The following TMEM135 variants were observed in gnomAD, a reference collection of about 807,000 sequenced individuals.
TMEM135 encodes peroxisomal membrane protein 52.
A neutral mutation model predicts 60.3 loss-of-function variants in TMEM135; 30 were observed. The ratio of observed to expected loss-of-function variants is 0.50; its 90% CI spans 0.37 to 0.68. TMEM135 has a LOEUF of 0.68. Among genes scored for constraint, TMEM135 ranks in the 30% least tolerant of loss-of-function variants. The pLI is 0.00. For synonymous variants in TMEM135, 190 were observed against 186.7 expected (o/e 1.02, Z -0.14); for missense variants, 468 against 548.8 (o/e 0.85, Z 1.47).
chr11:87,066,231 T>G (rs1308591794), intron 1 of TMEM135, among the ~76,000 whole-genome samples: 1 of 152,222 alleles, frequency 6.6e-6, no homozygotes, highest in Non-Finnish European at 1.5e-5. Context: ...CCCTATTATG[T>G]TCTAACCTTT....
At chr11:87,101,285 G>T (rs528620002) in intron 4 of TMEM135, among the ~76,000 whole-genome samples, 2 of 152,146 alleles carry the variant, frequency 1.3e-5, no homozygotes, top group Admixed American at 1.3e-4. Flanking sequence ...CTTTGCCACA[G>T]TATGATTTAA....
chr11:87,059,841 C>T (rs371373573), intron 1 of TMEM135, among the ~76,000 whole-genome samples: 5 of 152,132 alleles, frequency 3.3e-5, no homozygotes, highest in African/African-American at 1.2e-4. Context: ...TGGGGCCGGG[C>T]GTGGTGGCTC....
chr11:87,159,768 T>C (rs1385523512), intron 5 of TMEM135, among the ~76,000 whole-genome samples: 2 of 152,176 alleles, frequency 1.3e-5, no homozygotes, highest in Non-Finnish European at 2.9e-5. Flanking sequence ...ATAGTTTAAG[T>C]TGAGTCTGGA....
At chr11:87,065,809 T>G (rs529559945) in intron 1 of TMEM135, among the ~76,000 whole-genome samples, 2 of 152,252 alleles carry the variant, frequency 1.3e-5, no homozygotes, top group Non-Finnish European at 2.9e-5. Context: ...GTTTCACATT[T>G]GTGCCTGTGA....
chr11:87,081,153 G>A (rs1027654271), intron 3 of TMEM135, among the ~76,000 whole-genome samples: 3 of 150,998 alleles, frequency 2.0e-5, no homozygotes, highest in Admixed American at 2.0e-4. Context: ...TATTCTGCTA[G>A]TGTTAGCCTA....
At chr11:87,082,830 C>G (rs1250399036) in intron 3 of TMEM135, among the ~76,000 whole-genome samples, 3 of 152,106 alleles carry the variant, frequency 2.0e-5, no homozygotes, top group Non-Finnish European at 4.4e-5. Context: ...TAAAAAATAG[C>G]AAATAATGGT....
At chr11:87,083,889 A>G (rs1313877052) in intron 3 of TMEM135, among the ~76,000 whole-genome samples, 1 of 152,176 alleles carries the variant, frequency 6.6e-6, no homozygotes, top group Non-Finnish European at 1.5e-5. Flanking sequence ...ATAAGCCATT[A>G]CAATGTTTAG....
At chr11:87,058,069 C>G (rs897193232) in intron 1 of TMEM135, among the ~76,000 whole-genome samples, 1 of 152,144 alleles carries the variant, frequency 6.6e-6, no homozygotes, top group African/African-American at 2.4e-5. Flanking sequence ...CTCAAGAAAT[C>G]AGGCAGGAGG....
At chr11:87,097,371 A>G (rs982784160) in intron 4 of TMEM135, among the ~76,000 whole-genome samples, 6 of 152,206 alleles carry the variant, frequency 3.9e-5, no homozygotes, top group East Asian at 1.9e-4. Flanking sequence ...TAATGAATAT[A>G]TCATGCTAAA....
intron 4 of TMEM135, 47 bp from the exon 5 acceptor site, chr11:87,157,294 A>C (rs1384177240): frequency 6.6e-7 from 1 of 1,504,706 alleles, no homozygotes; most frequent in Non-Finnish European, 9.2e-7. Context: ...AATTGAGGAG[A>C]GATTGTAGAT....
At chr11:87,241,128 GTTTATCTA>G (rs1445202055) in intron 6 of TMEM135, among the ~76,000 whole-genome samples, 1 of 151,996 alleles carries the variant, frequency 6.6e-6, no homozygotes, top group Non-Finnish European at 1.5e-5. Context: ...TGTAGATTTA[GTTTATCTA>G]TTTAAGAAAA....
intron 5 of TMEM135, among the ~76,000 whole-genome samples, chr11:87,225,800 A>T (rs1940753449): frequency 6.6e-6 from 1 of 152,212 alleles, no homozygotes; most frequent in African/African-American, 2.4e-5. Flanking sequence ...CAGCTACTTA[A>T]ATATTCTGTG....
At chr11:87,305,548 C>T (rs1315305106) in intron 8 of TMEM135, among the ~76,000 whole-genome samples, 2 of 151,882 alleles carry the variant, frequency 1.3e-5, no homozygotes, top group African/African-American at 2.4e-5. Context: ...CCGAGGCAGG[C>T]GGATCACCTG....
At chr11:87,175,092 G>A (rs1159905937) in intron 5 of TMEM135, among the ~76,000 whole-genome samples, 1 of 151,978 alleles carries the variant, frequency 6.6e-6, no homozygotes, top group Non-Finnish European at 1.5e-5. Context: ...AAGTCTGGAT[G>A]GTATAGATAC....
chr11:87,038,154 G>A lies in TMEM135; in HGVS notation c.109G>A (p.Glu37Lys), dbSNP rs1226130863. ...FLQITGGALE[E>K]SLKIYAPLYL... ...GCAGATCACCGGGGGCGCCCTGGAG[G>A]AGTCCCTGAAGATCTATGCTCCTCT... is the stretch of plus-strand genomic sequence containing the variant. The change falls in exon 1 of 15, where the codon GAG (glutamate) becomes AAG (lysine). Residue 37 changes from glutamate (E) to lysine (K), a missense_variant. Glu to Lys is a moderately conservative substitution (Grantham distance 56). Coordinates refer to ENST00000305494, the MANE Select transcript of TMEM135 (RefSeq NM_022918.4). 9 of 1,614,082 alleles carry A rather than the reference G, an allele frequency of 5.6e-6. No homozygotes were observed. Among genetic ancestry groups the A allele is most frequent in the East Asian group, 2.2e-5 (1 of 44,852 alleles).
intron 6 of TMEM135, among the ~76,000 whole-genome samples, chr11:87,251,943 C>T (rs660930): frequency 6.6e-6 from 1 of 151,858 alleles, no homozygotes; most frequent in Admixed American, 6.6e-5. Context: ...GGTAAAAAGT[C>T]TTCATCTGCA....
At chr11:87,108,512 A>AT (rs1038818799) in intron 4 of TMEM135, among the ~76,000 whole-genome samples, 3 of 151,608 alleles carry the variant, frequency 2.0e-5, no homozygotes, top group Admixed American at 6.6e-5. Flanking sequence ...AGTTTTGTTG[A>AT]TTTTTTTATA....
chr11:87,043,706 A>G (rs1317560118), intron 1 of TMEM135, among the ~76,000 whole-genome samples: 1 of 151,680 alleles, frequency 6.6e-6, no homozygotes, highest in Non-Finnish European at 1.5e-5. Context: ...CTGGCAACAG[A>G]GCGAGACTCT....
At chr11:87,259,172 G>C in intron 6 of TMEM135, 1 of 586,814 alleles carries the variant, frequency 1.7e-6, no homozygotes, top group Non-Finnish European at 3.1e-6. Context: ...TCTCCTCGTC[G>C]TCCTCCTCCA....
Sources: allele counts gnomAD v4.1 joint callset (sites outside exome capture counted in the v4.1 genomes callset), GRCh38; gene constraint gnomAD v4.1.1; transcripts MANE v1.5; gene names NCBI Gene and HGNC (gene_info 2026-07-23, HGNC 2026-07-21).